Variants in DLC1 observed in about 807,000 individuals in gnomAD.
DLC1 encodes the protein rho GTPase-activating protein 7.
Under a neutral mutation model 140.3 loss-of-function variants are expected in DLC1, and 54 were observed. The observed-to-expected ratio is 0.38, with a 90% CI of 0.31 to 0.48. The LOEUF (loss-of-function observed/expected upper bound fraction) is 0.48. Among genes scored for constraint, DLC1 ranks in the 20% least tolerant of loss-of-function variants. The probability of loss-of-function intolerance (pLI) is 0.96; values close to 1 mark genes in which losing one functional copy is unlikely to be tolerated. For missense variants in DLC1, 2,536 were observed against 1,907.0 expected (o/e 1.33, Z -6.14); for synonymous variants, 986 against 728.1 (o/e 1.35, Z -5.70).
chr8:13,317,641 G>A, intron 4 of DLC1, among the ~76,000 whole-genome samples: 1 of 152,232 alleles, frequency 6.6e-6, no homozygotes, highest in African/African-American at 2.4e-5. Flanking sequence ...GGTGTGTGGT[G>A]AGGGGAATGA....
At chr8:13,225,752 A>G (rs1191848035) in intron 5 of DLC1, among the ~76,000 whole-genome samples, 1 of 151,428 alleles carries the variant, frequency 6.6e-6, no homozygotes, top group African/African-American at 2.4e-5. Flanking sequence ...AGTAGCTGGG[A>G]CTACAGGCAC....
In DLC1 at chr8:13,586,929, T is replaced by C. The variant is rs571586661; in HGVS notation, c.-126+17608A>G. On this transcript the variant is annotated intron_variant, in intron 1 of 1. Transcript: ENST00000631382. ...CTTCAACAACTAAGTAAGACCCACC[T>C]GCATCAGGTGCCTCAATATAATAAT... is the stretch of plus-strand genomic sequence containing the variant. Among the ~76,000 whole-genome samples, 7 of 152,304 alleles carry C rather than the reference T, an allele frequency of 4.6e-5. No homozygotes were observed. In the East Asian group the frequency reaches 1.2e-3, roughly 25 times the overall value.
At chr8:13,521,951 A>G (rs2117286260) in intron 1 of DLC1, among the ~76,000 whole-genome samples, 1 of 152,340 alleles carries the variant, frequency 6.6e-6, no homozygotes, top group Non-Finnish European at 1.5e-5. Flanking sequence ...AACATGTGTC[A>G]TATCACAGCT....
chr8:13,161,356 G>C lies in DLC1; in HGVS notation c.1349-45699C>G, dbSNP rs532804067. Reference sequence around the variant, plus strand: ...TTTTTTGTTTTGTTTTGTTTTGTTTGAGACAGAATTTCACTCTGTTGCTCA... The same window carrying C: ...TTTTTTGTTTTGTTTTGTTTTGTTTCAGACAGAATTTCACTCTGTTGCTCA... On this transcript the variant is annotated intron_variant, in intron 5 of 17. Transcript: ENST00000276297. 2.6e-5 allele frequency among the ~76,000 whole-genome samples: 4 copies of C among 152,076 alleles called. 1 individual carries two copies. The East Asian group carries it at 7.8e-4, about 30-fold the overall frequency.
intron 1 of DLC1, among the ~76,000 whole-genome samples, chr8:13,531,218 A>C (rs1803085894): frequency 6.6e-6 from 1 of 152,208 alleles, no homozygotes; most frequent in Non-Finnish European, 1.5e-5. Context: ...GAAACCACCC[A>C]GTCTATAATA....
intron 15 of DLC1, 32 bp from the exon 16 acceptor site, chr8:13,088,736 G>A: frequency 1.2e-6 from 2 of 1,607,218 alleles, no homozygotes; most frequent in Non-Finnish European, 1.7e-6. Context: ...CAGTGCCAAG[G>A]CAATCCATAC....
intron 5 of DLC1, among the ~76,000 whole-genome samples, chr8:13,291,501 T>A (rs1372866932): frequency 6.6e-6 from 1 of 152,192 alleles, no homozygotes; most frequent in African/African-American, 2.4e-5. Context: ...ATCAGAGCTA[T>A]TAAAATGAAA....
intron 7 of DLC1, among the ~76,000 whole-genome samples, chr8:13,110,261 A>G (rs1237920621): frequency 1.3e-5 from 2 of 152,202 alleles, no homozygotes; most frequent in African/African-American, 4.8e-5. Context: ...TCTGTTGCCT[A>G]TATGTTAAAG....
chr8:13,248,358 T>C (rs1256661215), intron 5 of DLC1, among the ~76,000 whole-genome samples: 1 of 152,104 alleles, frequency 6.6e-6, no homozygotes, highest in Non-Finnish European at 1.5e-5. Context: ...TTCCATATTC[T>C]ATTAGGTTAG....
At chr8:13,154,155 C>A (rs1209957336) in intron 5 of DLC1, among the ~76,000 whole-genome samples, 1 of 152,230 alleles carries the variant, frequency 6.6e-6, no homozygotes, top group East Asian at 1.9e-4. Context: ...CCCCAGCAGA[C>A]CCAGAAGCCC....
chr8:13,402,702 T>C (rs981164739), intron 2 of DLC1, among the ~76,000 whole-genome samples: 2 of 152,184 alleles, frequency 1.3e-5, no homozygotes, highest in South Asian at 4.1e-4. Context: ...TGATTGCAGA[T>C]TGAGGGTTCA....
intron 7 of DLC1, among the ~76,000 whole-genome samples, chr8:13,106,407 G>A (rs1021700094): frequency 6.6e-6 from 1 of 152,138 alleles, no homozygotes; most frequent in Non-Finnish European, 1.5e-5. Flanking sequence ...GAATGCAATG[G>A]TGCTATCATG....
chr8:13,115,916 G>A (rs1322352688), intron 5 of DLC1, among the ~76,000 whole-genome samples: 1 of 152,080 alleles, frequency 6.6e-6, no homozygotes, highest in Non-Finnish European at 1.5e-5. Flanking sequence ...TTCTCATTTT[G>A]TGCTGCTTCT....
intron 5 of DLC1, among the ~76,000 whole-genome samples, chr8:13,123,507 ATTTT>A (rs372704702): frequency 1.4e-5 from 2 of 139,974 alleles, no homozygotes; most frequent in East Asian, 2.1e-4. Context: ...CAATGAGCTA[ATTTT>A]TTTTTTTTTT....
intron 4 of DLC1, among the ~76,000 whole-genome samples, chr8:13,366,307 G>C (rs919689718): frequency 1.3e-5 from 2 of 152,134 alleles, no homozygotes; most frequent in African/African-American, 4.8e-5. Flanking sequence ...GAAAATGTCT[G>C]TTGAGCATCC....
intron 4 of DLC1, among the ~76,000 whole-genome samples, chr8:13,308,875 G>A (rs1199176033): frequency 6.6e-6 from 1 of 152,118 alleles, no homozygotes; most frequent in Non-Finnish European, 1.5e-5. Context: ...TCTGAGAAGG[G>A]ACCTGGATAG....
In DLC1 at chr8:13,393,538, T is replaced by C. The variant is rs57798225; in HGVS notation, c.1314+15A>G. On this transcript the variant is annotated intron_variant, in intron 4 of 17. Coordinates refer to ENST00000276297, the MANE Select transcript of DLC1 (RefSeq NM_182643.3). Reference sequence around the variant, plus strand: ...ATTTACACGTAGAGACTCTCTGTTATTATTTAGAACTCACCGTAGTCTTGG... The same window carrying C: ...ATTTACACGTAGAGACTCTCTGTTACTATTTAGAACTCACCGTAGTCTTGG... 6.7e-4 allele frequency: 1,075 copies of C among 1,609,580 alleles called. 5 individuals are homozygous for C. The African/African-American group carries it at 0.013, about 20-fold the overall frequency.
At chr8:13,572,937 A>C (rs1804713748) in intron 1 of DLC1, among the ~76,000 whole-genome samples, 1 of 151,982 alleles carries the variant, frequency 6.6e-6, no homozygotes, top group Admixed American at 6.5e-5. Context: ...TTTGTTCAAG[A>C]TTGTTTTGGC....
At chr8:13,122,260 G>A (rs1317978007) in intron 5 of DLC1, among the ~76,000 whole-genome samples, 3 of 152,138 alleles carry the variant, frequency 2.0e-5, no homozygotes, top group Non-Finnish European at 4.4e-5. Flanking sequence ...TTTGGCATCT[G>A]CCTATCCACT....
Sources: allele counts gnomAD v4.1 joint callset (sites outside exome capture counted in the v4.1 genomes callset), GRCh38; gene constraint gnomAD v4.1.1; transcripts MANE v1.5; gene names NCBI Gene and HGNC (gene_info 2026-07-23, HGNC 2026-07-21).